TAFA5: variants seen among roughly 807,000 people sequenced by gnomAD.
TAFA5 encodes the protein chemokine-like protein TAFA-5.
TAFA5 carries 6 observed loss-of-function variants against 15.3 expected under a neutral mutation model. The ratio of observed to expected loss-of-function variants is 0.39; its 90% CI spans 0.21 to 0.77. TAFA5 has a LOEUF of 0.77. Among genes scored for constraint, TAFA5 ranks in the 30% least tolerant of loss-of-function variants. The pLI is 0.41. For missense variants in TAFA5, 161 were observed against 193.1 expected (o/e 0.83, Z 0.98); for synonymous variants, 103 against 80.7 (o/e 1.28, Z -1.48).
intron 2 of TAFA5, among the ~76,000 whole-genome samples, chr22:48,650,165 G>A (rs1157654908): frequency 6.6e-6 from 1 of 152,212 alleles, no homozygotes; most frequent in African/African-American, 2.4e-5. Context: ...CTTGTGCTGT[G>A]TTGGGTCGGT....
At chr22:48,549,665 T>A (rs1408427507) in intron 1 of TAFA5, among the ~76,000 whole-genome samples, 1 of 152,202 alleles carries the variant, frequency 6.6e-6, no homozygotes, top group Non-Finnish European at 1.5e-5. Flanking sequence ...TGACTGCCCC[T>A]GATGGTGTGG....
At chr22:48,508,211 A>C (rs1365972548) in intron 1 of TAFA5, among the ~76,000 whole-genome samples, 1 of 152,166 alleles carries the variant, frequency 6.6e-6, no homozygotes, top group East Asian at 1.9e-4. Flanking sequence ...CACCTCACAG[A>C]AGCCATGGGC....
intron 1 of TAFA5, among the ~76,000 whole-genome samples, chr22:48,512,941 AAAAG>A (rs1292785312): frequency 3.5e-4 from 52 of 147,754 alleles, no homozygotes; most frequent in African/African-American, 9.6e-4. Flanking sequence ...AAAAAAAAAA[AAAAG>A]AGAGAGAGAG....
chr22:48,660,601 C>A (rs1927402102), intron 2 of TAFA5, among the ~76,000 whole-genome samples: 1 of 152,246 alleles, frequency 6.6e-6, no homozygotes, highest in African/African-American at 2.4e-5. Context: ...TTCCTGTTTT[C>A]AGGAGAACAG....
intron 1 of TAFA5, among the ~76,000 whole-genome samples, chr22:48,542,456 GGT>G (rs1214788526): frequency 3.1e-4 from 36 of 114,996 alleles, no homozygotes; most frequent in African/African-American, 1.1e-3. Flanking sequence ...TGTATGTGCG[GGT>G]GTGTGTTGTG....
At chr22:48,691,027 G>A (rs903026995) in intron 2 of TAFA5, among the ~76,000 whole-genome samples, 2 of 152,090 alleles carry the variant, frequency 1.3e-5, no homozygotes, top group African/African-American at 4.8e-5. Flanking sequence ...CCTGAGCGCC[G>A]TCAATCTCCA....
rs186720739 is a variant in TAFA5 at position 48,650,879 on chromosome 22, C to T, written c.262+4133C>T. ...CTGGCGGGCTGGCCAGGCCCTGCTTCTGCTCCTTTCTAGCTGTTTATGCAG... is the reference window on the plus strand; with the variant it reads ...CTGGCGGGCTGGCCAGGCCCTGCTTTTGCTCCTTTCTAGCTGTTTATGCAG... On this transcript the variant is annotated intron_variant, in intron 2 of 3. Coordinates refer to ENST00000402357, the MANE Select transcript of TAFA5 (RefSeq NM_001082967.3). 3.2e-3 allele frequency among the ~76,000 whole-genome samples: 480 copies of T among 152,338 alleles called. 2 individuals carry two copies. The highest frequency in any genetic ancestry group is 0.017 in the Middle Eastern group (5 of 294).
intron 2 of TAFA5, among the ~76,000 whole-genome samples, chr22:48,666,918 G>C (rs1382798321): frequency 1.3e-5 from 2 of 152,134 alleles, no homozygotes; most frequent in Non-Finnish European, 2.9e-5. Context: ...AGTGGTTGGA[G>C]GGAGGAGGAG....
In TAFA5 at chr22:48,489,569, C is replaced by A. The variant is rs747531380; in HGVS notation, c.-24C>A. On this transcript the variant is annotated 5_prime_UTR_variant, in exon 1 of 4. Transcript: ENST00000402357. This position sits in a 1 kb window ranked among gnomAD's most constrained non-coding sequence, Gnocchi z 5.5. ...CCGGCTGCTGAGACGCGCTGCTGCC[C>A]CCCGCGCGGGCGCCGCGGCTTCAAT... 8 of 1,388,096 alleles carry A rather than the reference C, an allele frequency of 5.8e-6. No homozygotes were observed. The Admixed American group carries it at 1.6e-4, about 27-fold the overall frequency. The allele number at this position is 1,388,096 out of a possible 1,614,324, so 86.0% of individuals were successfully genotyped here.
chr22:48,683,316 G>A (rs530375595), intron 2 of TAFA5, among the ~76,000 whole-genome samples: 20 of 152,336 alleles, frequency 1.3e-4, no homozygotes, highest in African/African-American at 4.3e-4. Flanking sequence ...ATAGCTTAAC[G>A]CCATAAGCTA....
At chr22:48,501,971 G>T (rs1920954770) in intron 1 of TAFA5, among the ~76,000 whole-genome samples, 1 of 152,208 alleles carries the variant, frequency 6.6e-6, no homozygotes, top group Admixed American at 6.5e-5. Context: ...CATGCCGCCT[G>T]CCTGGTCTTC....
chr22:48,677,447 C>A (rs1282683541), intron 2 of TAFA5, among the ~76,000 whole-genome samples: 1 of 152,232 alleles, frequency 6.6e-6, no homozygotes, highest in East Asian at 1.9e-4. Flanking sequence ...GCTGTAGTGA[C>A]CTTCCCGTGT....
intron 3 of TAFA5, among the ~76,000 whole-genome samples, chr22:48,722,354 C>T (rs539804166): frequency 1.3e-5 from 2 of 152,308 alleles, no homozygotes; most frequent in Non-Finnish European, 2.9e-5. Context: ...GGCACATATA[C>T]ACCATAGAAT....
chr22:48,726,317 A>G (rs1215162119), intron 3 of TAFA5, among the ~76,000 whole-genome samples: 2 of 152,258 alleles, frequency 1.3e-5, no homozygotes. Flanking sequence ...CAAGAGGTTG[A>G]AGAAGAGACC....
chr22:48,561,154 C>A (rs1364368351), intron 1 of TAFA5, among the ~76,000 whole-genome samples: 1 of 152,080 alleles, frequency 6.6e-6, no homozygotes, highest in Non-Finnish European at 1.5e-5. Flanking sequence ...CCTCAGGGCC[C>A]AGGGAGCAGC....
At chr22:48,533,772 T>A (rs201192232) in intron 1 of TAFA5, among the ~76,000 whole-genome samples, 1 of 62,454 alleles carries the variant, frequency 1.6e-5, no homozygotes, top group Non-Finnish European at 4.0e-5. Flanking sequence ...TCCCCAAACC[T>A]TTTTTTTTCC....
At chr22:48,723,541 C>T (rs896677798) in intron 3 of TAFA5, among the ~76,000 whole-genome samples, 1 of 152,198 alleles carries the variant, frequency 6.6e-6, no homozygotes, top group Non-Finnish European at 1.5e-5. Context: ...CCACTGTGTG[C>T]CTCCCAGACT....
At chr22:48,591,641 G>A (rs990578672) in intron 1 of TAFA5, among the ~76,000 whole-genome samples, 2 of 152,242 alleles carry the variant, frequency 1.3e-5, no homozygotes, top group African/African-American at 4.8e-5. Context: ...GGGTCACAGG[G>A]TGATGGGGTG....
intron 1 of TAFA5, among the ~76,000 whole-genome samples, chr22:48,559,250 C>T (rs1046672522): frequency 9.9e-5 from 15 of 152,242 alleles, no homozygotes; most frequent in African/African-American, 3.6e-4. Context: ...GGCTGCCCCG[C>T]AGCAGATTTT....
Sources: allele counts gnomAD v4.1 joint callset (sites outside exome capture counted in the v4.1 genomes callset), GRCh38; gene constraint gnomAD v4.1.1; non-coding constraint Gnocchi (gnomAD v3.1); transcripts MANE v1.5; gene names NCBI Gene and HGNC (gene_info 2026-07-23, HGNC 2026-07-21).